The following MGA variants were observed in gnomAD, a reference collection of about 807,000 sequenced individuals.
MGA encodes the protein MAX gene-associated protein.
In MGA, 40 loss-of-function variants were observed where a neutral mutation model predicts 261.1. The observed-to-expected ratio is 0.15, with a 90% CI of 0.12 to 0.20. The LOEUF (loss-of-function observed/expected upper bound fraction) is 0.20, where lower values mean the gene tolerates loss of function less well. Among genes scored for constraint, MGA ranks in the 10% least tolerant of loss-of-function variants. The pLI is 1.00. For synonymous variants in MGA, 1,302 were observed against 1,290.6 expected, an observed-to-expected ratio of 1.01 and a Z score of -0.19; for missense variants, 3,397 against 3,630.5, an observed-to-expected ratio of 0.94 and a Z score of 1.65.
intron 11 of MGA, among the ~76,000 whole-genome samples, chr15:41,732,699 G>A (rs1225357620): frequency 6.6e-6 from 1 of 152,108 alleles, no homozygotes; most frequent in Non-Finnish European, 1.5e-5. Context: ...GCATGTGCCT[G>A]GTACATTATA....
chr15:41,704,590 G>A (rs1475359116), intron 5 of MGA, among the ~76,000 whole-genome samples: 6 of 152,158 alleles, frequency 3.9e-5, no homozygotes, highest in African/African-American at 4.8e-5. Context: ...CCTGGGAGGC[G>A]GAGCTTGCAG....
At chr15:41,684,274 A>C (rs575725167) in intron 2 of MGA, 1 of 361,126 alleles carries the variant, frequency 2.8e-6, no homozygotes, top group South Asian at 2.1e-5. Flanking sequence ...AATGTGTCTT[A>C]GAGTGGCTGG....
chr15:41,624,800 A>G (rs114264596), intron 1 of MGA, among the ~76,000 whole-genome samples: 4 of 152,288 alleles, frequency 2.6e-5, no homozygotes, highest in African/African-American at 9.6e-5. Context: ...AAAACGTGAA[A>G]TCAGAAAATT....
chr15:41,656,787 G>A (rs1054476419), upstream of MGA, among the ~76,000 whole-genome samples: 1 of 151,944 alleles, frequency 6.6e-6, no homozygotes, highest in Non-Finnish European at 1.5e-5. Flanking sequence ...TTCTTTAAGA[G>A]ACAGGGTTGG....
chr15:41,681,934 C>T lies in MGA; in HGVS notation c.1064+11976C>T, dbSNP rs192709262. Among the ~76,000 whole-genome samples the T allele has an allele frequency of 2.3e-3, 348 of 151,186 alleles. 1 individual carries two copies. Among genetic ancestry groups the T allele is most frequent in the African/African-American group, 7.9e-3 (327 of 41,200 alleles). On this transcript the variant is annotated intron_variant, in intron 2 of 23. Transcript: ENST00000219905. ...ACCCACATTTGTTTTTTTGTTTTTC[C>T]GAGATGGAGTTTTGCTCTTATTGCC...
chr15:41,739,814 T>A (rs993044485), intron 13 of MGA, 92 bp from the exon 14 acceptor site: 6 of 1,277,496 alleles, frequency 4.7e-6, no homozygotes, highest in Admixed American at 4.6e-5. Flanking sequence ...AATAGACTTA[T>A]GAAAACTTGT....
At chr15:41,741,012 G>A (rs979675013) in intron 14 of MGA, among the ~76,000 whole-genome samples, 1 of 152,130 alleles carries the variant, frequency 6.6e-6, no homozygotes, top group Non-Finnish European at 1.5e-5. Flanking sequence ...CTGGCTGAAT[G>A]GTTAGAGTTG....
chr15:41,664,451 G>C (rs1315737590), intron 1 of MGA, among the ~76,000 whole-genome samples: 1 of 152,126 alleles, frequency 6.6e-6, no homozygotes, highest in Non-Finnish European at 1.5e-5. Context: ...GGTTTTACTG[G>C]TAATGATCTG....
At chr15:41,746,177 CTA>C (rs983193861) in intron 15 of MGA, among the ~76,000 whole-genome samples, 23 of 152,130 alleles carry the variant, frequency 1.5e-4, no homozygotes, top group African/African-American at 5.6e-4. Flanking sequence ...GAATCACTCT[CTA>C]AAAGTTAATT....
intron 1 of MGA, among the ~76,000 whole-genome samples, chr15:41,624,287 G>A (rs570041472): frequency 1.3e-5 from 2 of 150,246 alleles, no homozygotes; most frequent in African/African-American, 2.4e-5. Flanking sequence ...CTGCTCTGTC[G>A]CCCAGGCTGG....
At position 41,696,162 on chromosome 15, in the gene MGA, A is replaced by G. The variant is rs1401344539; in HGVS notation, c.1152A>G (p.Glu384=). The G allele has an allele frequency of 3.7e-6, 6 of 1,613,856 alleles. No individual in the cohort carries two copies. The East Asian group carries it at 6.7e-5, about 18-fold the overall frequency. ...GCTTCAATGTTGTTATTAAAGAGGAACCTCTAGATGATTATGACTACGAAC... is the reference window on the plus strand; with the variant it reads ...GCTTCAATGTTGTTATTAAAGAGGAGCCTCTAGATGATTATGACTACGAAC... Residue 384 remains glutamate (E), a synonymous_variant, in exon 3 of 24, where the codon GAA becomes GAG. Transcript: ENST00000219905.
At chr15:41,706,701 C>T (rs2060136673) in intron 5 of MGA, among the ~76,000 whole-genome samples, 1 of 151,748 alleles carries the variant, frequency 6.6e-6, no homozygotes, top group Non-Finnish European at 1.5e-5. Flanking sequence ...CTGCCTCAGC[C>T]TCCTGAGTAG....
intron 9 of MGA, among the ~76,000 whole-genome samples, chr15:41,724,867 AT>A (rs1198706594): frequency 2.6e-5 from 4 of 151,856 alleles, no homozygotes; most frequent in African/African-American, 9.7e-5. Flanking sequence ...TTGTGCCCGT[AT>A]GTTTACCTCA....
At chr15:41,663,958 A>G (rs1489777190) in intron 1 of MGA, among the ~76,000 whole-genome samples, 2 of 152,188 alleles carry the variant, frequency 1.3e-5, no homozygotes, top group Non-Finnish European at 2.9e-5. Context: ...AAACCTAGGC[A>G]TATGCTTATA....
intron 1 of MGA, among the ~76,000 whole-genome samples, chr15:41,660,862 C>CCGCTCCGCGTGGTA (rs1196975367): frequency 6.6e-6 from 1 of 152,194 alleles, no homozygotes; most frequent in African/African-American, 2.4e-5. Context: ...GTGTGGGGTG[C>CCGCTCCGCGTGGTA]CGCTCCGCGT....
Position 41,727,256 on chromosome 15 carries a change from A to C in MGA, c.3507A>C (p.Pro1169=), listed in dbSNP as rs570732439. The C allele has an allele frequency of 1.2e-6, 2 of 1,613,976 alleles. No homozygotes were observed. Among genetic ancestry groups the C allele is most frequent in the African/African-American group, 2.7e-5 (2 of 75,046 alleles). ...TAAAAGTAGAAGGTGAAGTAGATCC[A>C]GAACCAGTTTATATCCCCACGCCTT... The change falls in exon 10 of 24, where the codon CCA becomes CCC. Residue 1169 remains proline, a synonymous_variant. Transcript: ENST00000219905.
intron 15 of MGA, among the ~76,000 whole-genome samples, chr15:41,744,155 C>A (rs993305128): frequency 2.0e-5 from 3 of 151,894 alleles, no homozygotes; most frequent in Admixed American, 2.0e-4. Context: ...AGTTAAAGTT[C>A]TGTTGAAGGG....
chr15:41,688,325 C>G (rs915491944), intron 2 of MGA, among the ~76,000 whole-genome samples: 3 of 152,140 alleles, frequency 2.0e-5, no homozygotes, highest in Admixed American at 2.0e-4. Context: ...ATCCACCTGC[C>G]TACCAGAGTG....
intron 9 of MGA, among the ~76,000 whole-genome samples, chr15:41,715,291 A>G (rs2060576155): frequency 6.6e-6 from 1 of 151,926 alleles, no homozygotes; most frequent in South Asian, 2.1e-4. Context: ...CTGGGACTAC[A>G]GGCATGCACC....
Sources: allele counts gnomAD v4.1 joint callset (sites outside exome capture counted in the v4.1 genomes callset), GRCh38; gene constraint gnomAD v4.1.1; transcripts MANE v1.5; gene names NCBI Gene and HGNC (gene_info 2026-07-23, HGNC 2026-07-21).